Variants in KCTD16 observed in about 807,000 individuals in gnomAD.
KCTD16 encodes the protein BTB/POZ domain-containing protein KCTD16.
KCTD16 carries 13 observed loss-of-function variants against 33.2 expected under a neutral mutation model. The ratio of observed to expected loss-of-function variants is 0.39; its 90% CI spans 0.25 to 0.62. The LOEUF is 0.62. Among genes scored for constraint, KCTD16 ranks in the 20% least tolerant of loss-of-function variants. The pLI is 0.50. For missense variants in KCTD16, 441 were observed against 525.1 expected (o/e 0.84, Z 1.57); for synonymous variants, 197 against 195.3 (o/e 1.01, Z -0.07).
intron 3 of KCTD16, among the ~76,000 whole-genome samples, chr5:144,273,983 A>G (rs1395985870): frequency 6.7e-6 from 1 of 150,108 alleles, no homozygotes; most frequent in Non-Finnish European, 1.5e-5. Context: ...ATTAAAATAT[A>G]ATAATATTTT....
In KCTD16 at chr5:144,183,345, A is replaced by G. The variant is rs138936365; in HGVS notation, c.-327+8873A>G. Among the ~76,000 whole-genome samples, 964 of 152,286 alleles carry G rather than the reference A, an allele frequency of 6.3e-3. 15 individuals carry two copies. The highest frequency in any genetic ancestry group is 0.022 in the African/African-American group (932 of 41,536). On this transcript the variant is annotated intron_variant, in intron 2 of 3. Transcript: ENST00000512467. The stretch of plus-strand genomic sequence containing the variant: ...AAACACAGTTGGATAACTATTCCGT[A>G]GTGCTCTTTCTCTACCTATAATGAT...
At chr5:144,343,582 A>T (rs1752703703) in intron 3 of KCTD16, among the ~76,000 whole-genome samples, 1 of 151,044 alleles carries the variant, frequency 6.6e-6, no homozygotes, top group African/African-American at 2.4e-5. Context: ...TATTTCCTTC[A>T]GTTCTGCTCT....
At chr5:144,356,305 GAGTA>G (rs1215196051) in intron 3 of KCTD16, among the ~76,000 whole-genome samples, 7 of 152,140 alleles carry the variant, frequency 4.6e-5, no homozygotes, top group African/African-American at 1.2e-4. Flanking sequence ...CTTTTTCTCT[GAGTA>G]AGTGTGTGTC....
At chr5:144,279,567 G>C (rs1038612816) in intron 3 of KCTD16, among the ~76,000 whole-genome samples, 1 of 152,212 alleles carries the variant, frequency 6.6e-6, no homozygotes, top group East Asian at 1.9e-4. Flanking sequence ...AGGCTGAGAA[G>C]TCCAAGATCA....
intron 3 of KCTD16, among the ~76,000 whole-genome samples, chr5:144,278,187 T>C (rs1253375812): frequency 6.6e-6 from 1 of 152,088 alleles, no homozygotes. Flanking sequence ...TCATTTTAAG[T>C]TCACTTTATT....
intron 1 of KCTD16, among the ~76,000 whole-genome samples, chr5:144,171,986 T>C (rs1752395160): frequency 6.6e-6 from 1 of 152,174 alleles, no homozygotes; most frequent in African/African-American, 2.4e-5. Flanking sequence ...CAATAAAATT[T>C]ATCATGAGCC....
chr5:144,350,834 C>T (rs1466649806), intron 3 of KCTD16, among the ~76,000 whole-genome samples: 2 of 148,994 alleles, frequency 1.3e-5, no homozygotes, highest in East Asian at 2.0e-4. Flanking sequence ...TATTATTGAT[C>T]TTCTCTGTCA....
chr5:144,366,852 C>G (rs1264616545), intron 3 of KCTD16, among the ~76,000 whole-genome samples: 1 of 152,222 alleles, frequency 6.6e-6, no homozygotes, highest in Non-Finnish European at 1.5e-5. Flanking sequence ...CAATCAGACT[C>G]TCACTTGTAG....
chr5:144,325,619 G>C (rs549335876), intron 3 of KCTD16, among the ~76,000 whole-genome samples: 68 of 151,728 alleles, frequency 4.5e-4, no homozygotes, highest in African/African-American at 1.6e-3. Context: ...TTCTCCTTTC[G>C]GCCTAGCTAT....
At chr5:144,439,990 G>A (rs1408116161) in intron 3 of KCTD16, among the ~76,000 whole-genome samples, 2 of 150,166 alleles carry the variant, frequency 1.3e-5, no homozygotes, top group African/African-American at 4.9e-5. Context: ...ACTAACAACA[G>A]ACACAGAAAA....
At chr5:144,374,856 A>G (rs1752049835) in intron 3 of KCTD16, among the ~76,000 whole-genome samples, 1 of 152,130 alleles carries the variant, frequency 6.6e-6, no homozygotes, top group Non-Finnish European at 1.5e-5. Context: ...GAAGTTTAGA[A>G]CTACAGGTTT....
intron 3 of KCTD16, among the ~76,000 whole-genome samples, chr5:144,357,338 C>T (rs1241852190): frequency 6.6e-6 from 1 of 152,140 alleles, no homozygotes. Context: ...AGGGGTGAGA[C>T]CTTTACCTTT....
At chr5:144,470,235 G>A (rs149712084) in intron 3 of KCTD16, among the ~76,000 whole-genome samples, 1 of 152,274 alleles carries the variant, frequency 6.6e-6, no homozygotes, top group African/African-American at 2.4e-5. Context: ...AGACTTGTAA[G>A]CATATCACAG....
chr5:144,238,313 C>T (rs1754309939), intron 3 of KCTD16, among the ~76,000 whole-genome samples: 2 of 152,124 alleles, frequency 1.3e-5, no homozygotes, highest in South Asian at 4.1e-4. Flanking sequence ...CTGTTGTCCT[C>T]TTGAAGATTT....
chr5:144,296,326 A>G (rs79434216), intron 3 of KCTD16, among the ~76,000 whole-genome samples: 9 of 152,382 alleles, frequency 5.9e-5, no homozygotes, highest in African/African-American at 2.2e-4. Flanking sequence ...GAATGAATAA[A>G]TACATTTATG....
At position 144,361,906 on chromosome 5, in the gene KCTD16, T is replaced by TTGTGTG. The variant is rs3996310; in HGVS notation, c.833-111717_833-111712dup. Among the ~76,000 whole-genome samples, 560 of 143,984 alleles carry TTGTGTG rather than the reference T, an allele frequency of 3.9e-3. 5 individuals are homozygous for TTGTGTG. Among genetic ancestry groups the TTGTGTG allele is most frequent in the Middle Eastern group, 0.021 (6 of 286 alleles). 94.5% of individuals were successfully genotyped at this position (143,984 alleles called of 152,430 possible). ...TTGTTGTTATGAGGCTGGTGTTATT[T>TTGTGTG]TGTGTGTGTGTGTGTGTGTGTGTGT... On this transcript the variant is annotated intron_variant, in intron 3 of 3. Coordinates refer to ENST00000512467, the MANE Select transcript of KCTD16 (RefSeq NM_020768.4).
chr5:144,416,909 T>C (rs867152463), intron 3 of KCTD16, among the ~76,000 whole-genome samples: 5 of 152,190 alleles, frequency 3.3e-5, no homozygotes. Context: ...TCCCCTAACA[T>C]AATGTTTGGA....
At chr5:144,182,894 GTTA>G (rs1752654348) in intron 2 of KCTD16, among the ~76,000 whole-genome samples, 1 of 152,006 alleles carries the variant, frequency 6.6e-6, no homozygotes, top group South Asian at 2.1e-4. Flanking sequence ...TTATTTCTTT[GTTA>G]TTATTGTTTG....
chr5:144,282,374 T>A (rs1755630502), intron 3 of KCTD16, among the ~76,000 whole-genome samples: 1 of 151,778 alleles, frequency 6.6e-6, no homozygotes, highest in Non-Finnish European at 1.5e-5. Context: ...ATTTTTTTTT[T>A]AATCTGGCTG....
Sources: allele counts gnomAD v4.1 joint callset (sites outside exome capture counted in the v4.1 genomes callset), GRCh38; gene constraint gnomAD v4.1.1; transcripts MANE v1.5; gene names NCBI Gene and HGNC (gene_info 2026-07-23, HGNC 2026-07-21).